Variants in TRIM29 observed in about 807,000 individuals in gnomAD.
The protein encoded by TRIM29 is tripartite motif-containing protein 29.
Under a neutral mutation model 57.3 loss-of-function variants are expected in TRIM29, and 52 were observed. That is an observed-to-expected ratio of 0.91 (90% CI 0.73 to 1.14). TRIM29 has a LOEUF of 1.14. Among genes scored for constraint, TRIM29 ranks in the 50% most tolerant of loss-of-function variants. The probability of loss-of-function intolerance (pLI) is 0.00; values close to 1 mark genes in which losing one functional copy is unlikely to be tolerated. For missense variants in TRIM29, 753 were observed against 774.6 expected, an observed-to-expected ratio of 0.97 and a Z score of 0.33; for synonymous variants, 319 against 316.9, an observed-to-expected ratio of 1.01 and a Z score of -0.07.
intron 1 of TRIM29, among the ~76,000 whole-genome samples, chr11:120,130,533 C>A (rs1262867526): frequency 6.6e-6 from 1 of 152,202 alleles, no homozygotes; most frequent in African/African-American, 2.4e-5. Flanking sequence ...CCCAGGAGCA[C>A]AGGACAGCAG....
chr11:120,130,513 G>A (rs1863696956), intron 1 of TRIM29, among the ~76,000 whole-genome samples: 1 of 152,222 alleles, frequency 6.6e-6, no homozygotes, highest in Non-Finnish European at 1.5e-5. Context: ...GGTGGGCTCA[G>A]AGGGGGCTCC....
At chr11:120,127,304 A>G in intron 3 of TRIM29, 32 bp downstream of exon 3, 1 of 1,599,762 alleles carries the variant, frequency 6.3e-7, no homozygotes, top group South Asian at 1.1e-5. Context: ...TGTGAAATCG[A>G]GGGCTTGAGT....
chr11:120,114,301 C>G (rs1159481780), intron 8 of TRIM29, among the ~76,000 whole-genome samples: 1 of 152,150 alleles, frequency 6.6e-6, no homozygotes, highest in African/African-American at 2.4e-5. Context: ...TTTTTTCTCC[C>G]CATATCTGCT....
chr11:120,118,145 A>G, intron 7 of TRIM29, 78 bp downstream of exon 7: 1 of 1,306,180 alleles, frequency 7.7e-7, no homozygotes, highest in East Asian at 2.4e-5. Flanking sequence ...CTAGCAGCTC[A>G]GCGAAGAGAC....
intron 7 of TRIM29, chr11:120,117,269 G>A (rs749282721): frequency 4.3e-5 from 9 of 209,102 alleles, no homozygotes; most frequent in East Asian, 3.0e-4. Context: ...CCCCAGGCCC[G>A]GATCAGAGCT....
intron 5 of TRIM29, 131 bp from the exon 6 acceptor site, chr11:120,120,796 C>A: frequency 2.6e-6 from 2 of 763,128 alleles, no homozygotes; most frequent in Non-Finnish European, 2.3e-6. Flanking sequence ...TTGGGTCTGA[C>A]ATAAGTCAAT....
rs1863578824 is a variant in TRIM29, at chr11:120,125,868, T to G, written c.1156A>C (p.Asn386His). The change falls in exon 4 of 9, where the codon AAT becomes CAT. Residue 386 changes from asparagine (N) to histidine (H), a missense_variant. Coordinates refer to ENST00000341846, the MANE Select transcript of TRIM29 (RefSeq NM_012101.4). Reference protein sequence around the residue: ...FLQEFGALMSNYSLPPPLPTY... With the variant: ...FLQEFGALMSHYSLPPPLPTY... ...GGCAGGGGTGGGGGGAGAGAGTAAT[T>G]GCTCATCAATGCACCAAATTCCTAC... is the stretch of plus-strand genomic sequence containing the variant. 1 of 1,613,612 alleles carries G rather than the reference T, an allele frequency of 6.2e-7. No individual in the cohort carries two copies. Among genetic ancestry groups the G allele is most frequent in the African/African-American group, 1.3e-5 (1 of 75,012 alleles).
rs1263687666 is a variant in TRIM29 at position 120,115,393 on chromosome 11, C to T, written c.1649G>A (p.Ser550Asn). The change falls in exon 8 of 9, where the codon AGC becomes AAC. Residue 550 changes from serine (S) to asparagine (N), a missense_variant. By Grantham distance (46) the Ser-to-Asn change is conservative. Transcript: ENST00000341846. ...SLKGYPSLMR[S>N]QSPKAQPQTW... ...CTGGGGCTGGGCCTTGGGGCTTTGG[C>T]TCCGCATGAGGGAGGGATAGCCTGG... 1.2e-6 allele frequency: 2 copies of T among 1,613,766 alleles called. No homozygotes were observed. Among genetic ancestry groups the T allele is most frequent in the Non-Finnish European group, 1.7e-6 (2 of 1,179,938 alleles).
At chr11:120,120,102 TACG>T (rs1863394797) in intron 6 of TRIM29, among the ~76,000 whole-genome samples, 1 of 151,978 alleles carries the variant, frequency 6.6e-6, no homozygotes, top group African/African-American at 2.4e-5. Flanking sequence ...CTAACCACTG[TACG>T]ACTTTTCACT....
In TRIM29 at chr11:120,120,794, G is replaced by C; in HGVS notation, c.1436-129C>G. 5 of 767,544 alleles carry C rather than the reference G, an allele frequency of 6.5e-6. No individual in the cohort carries two copies. In the South Asian group the frequency reaches 7.3e-5, roughly 11 times the overall value. The allele number at this position is 767,544 out of a possible 1,614,324, so 47.5% of individuals were successfully genotyped here. A position where few individuals can be genotyped will look rare whatever the true frequency, so the allele number is the denominator to read the frequency against. Reference sequence around the variant, plus strand: ...CCACTGAGAGAAGTCCTTTGGGTCTGACATAAGTCAATCAACTAATTTATC... The same window carrying C: ...CCACTGAGAGAAGTCCTTTGGGTCTCACATAAGTCAATCAACTAATTTATC... On this transcript the variant is annotated intron_variant, in intron 5 of 8. Transcript: ENST00000341846.
chr11:120,129,058 T>G, intron 1 of TRIM29: 2 of 534,964 alleles, frequency 3.7e-6, no homozygotes, highest in Non-Finnish European at 5.7e-6. Flanking sequence ...ATTCTGCAGT[T>G]TTGGCAAGAC....
intron 5 of TRIM29, among the ~76,000 whole-genome samples, chr11:120,121,162 C>T (rs916841530): frequency 1.3e-5 from 2 of 152,140 alleles, no homozygotes; most frequent in African/African-American, 2.4e-5. Context: ...TTCTAGCCCT[C>T]TGTTACCTCT....
At chr11:120,124,136 C>T (rs1429486028) in intron 4 of TRIM29, 1 of 154,546 alleles carries the variant, frequency 6.5e-6, no homozygotes, top group African/African-American at 2.4e-5. Context: ...CAGTGCCCAT[C>T]CCTGCTCCTG....
At chr11:120,120,906 A>G in intron 5 of TRIM29, 1 of 610,410 alleles carries the variant, frequency 1.6e-6, no homozygotes, top group South Asian at 1.6e-5. Flanking sequence ...AGGCCATGGC[A>G]ACCACGAGGG....
chr11:120,137,777 G>A lies in TRIM29; in HGVS notation c.255C>T (p.Ser85=), dbSNP rs750576810. 3 of 1,612,132 alleles carry A rather than the reference G, an allele frequency of 1.9e-6. No individual in the cohort carries two copies. The highest frequency in any genetic ancestry group is 1.7e-6 in the Non-Finnish European group (2 of 1,179,998). Reference sequence around the variant, plus strand: ...AGTAGTTGGAGTTCTTGTCGTCCCCGGACTCGACAAACTGGATGATGGGTC... The same window carrying A: ...AGTAGTTGGAGTTCTTGTCGTCCCCAGACTCGACAAACTGGATGATGGGTC... ...WRRPIIQFVE[S]GDDKNSNYFS... The change falls in exon 1 of 9, where the codon TCC becomes TCT. Residue 85 remains serine, a synonymous_variant. Transcript: ENST00000341846. The surrounding 1 kb of genome is among the most constrained non-coding windows in gnomAD (Gnocchi z 6.2).
chr11:120,125,723 C>G lies in TRIM29; in HGVS notation c.1301G>C (p.Arg434Pro). ...CATGTGGTTCCTCTCAATGAAGTTACGGCTCAGGTCCGCCTTGCACATCTT... is the reference window on the plus strand; with the variant it reads ...CATGTGGTTCCTCTCAATGAAGTTAGGGCTCAGGTCCGCCTTGCACATCTT... ...VEKMCKADLSRNFIERNHMEN... is the reference protein window; with the variant it reads ...VEKMCKADLSPNFIERNHMEN... Residue 434 changes from arginine to proline, a missense_variant, in exon 4 of 9, where the codon CGT becomes CCT. Physicochemically the swap from Arg to Pro is moderately radical, Grantham distance 103. Transcript: ENST00000341846. 1.9e-6 allele frequency: 3 copies of G among 1,614,182 alleles called. No homozygotes were observed. The highest frequency in any genetic ancestry group is 2.5e-6 in the Non-Finnish European group (3 of 1,180,024).
chr11:120,137,779 A>T lies in TRIM29; in HGVS notation c.253T>A (p.Ser85Thr), dbSNP rs754965434. The stretch of plus-strand genomic sequence containing the variant: ...TAGTTGGAGTTCTTGTCGTCCCCGG[A>T]CTCGACAAACTGGATGATGGGTCGC... Reference protein sequence around the residue: ...WRRPIIQFVESGDDKNSNYFS... With the variant: ...WRRPIIQFVETGDDKNSNYFS... Residue 85 changes from serine to threonine, a missense_variant, in exon 1 of 9, where the codon TCC becomes ACC. Coordinates refer to ENST00000341846, the MANE Select transcript of TRIM29 (RefSeq NM_012101.4). The surrounding 1 kb of genome is among the most constrained non-coding windows in gnomAD (Gnocchi z 6.2). 7 of 1,611,956 alleles carry T rather than the reference A, an allele frequency of 4.3e-6. No individual in the cohort carries two copies. In the Admixed American group the frequency reaches 1.2e-4, roughly 27 times the overall value.
At chr11:120,120,170 T>G (rs1863396479) in intron 6 of TRIM29, among the ~76,000 whole-genome samples, 2 of 119,588 alleles carry the variant, frequency 1.7e-5, no homozygotes, top group African/African-American at 5.9e-5. Flanking sequence ...CCCTCATACT[T>G]GTGGGGGGGG....
At position 120,128,449 on chromosome 11, in the gene TRIM29, T is replaced by G; in HGVS notation, c.851A>C (p.Glu284Ala). 2.5e-6 allele frequency: 4 copies of G among 1,612,426 alleles called. No homozygotes were observed. The highest frequency in any genetic ancestry group is 3.4e-6 in the Non-Finnish European group (4 of 1,180,008). ...CCACTTCTCAGCTTCATCCTCAATC[T>G]CAATGATCTTGAGCTGCAGCTGCTC... ...QKEQLQLKII[E>A]IEDEAEKWQK... Residue 284 changes from glutamate to alanine, a missense_variant, in exon 2 of 9, where the codon GAG (glutamate) becomes GCG (alanine). Glu to Ala is a moderately radical substitution (Grantham distance 107). Transcript: ENST00000341846.
Sources: gnomAD v4.1 joint callset for allele counts (sites outside exome capture counted in the v4.1 genomes callset) on GRCh38, gnomAD v4.1.1 for gene constraint, Gnocchi (gnomAD v3.1) non-coding constraint, MANE v1.5 for transcripts, NCBI Gene and HGNC (gene_info 2026-07-23, HGNC 2026-07-21) for gene names.